Variants in UBN1 observed in about 807,000 individuals in gnomAD.
UBN1 encodes the protein ubinuclein-1.
In UBN1, 17 loss-of-function variants were observed where a neutral mutation model predicts 108.5. That is an observed-to-expected ratio of 0.16 (90% CI 0.11 to 0.24). UBN1 has a LOEUF of 0.24. Among genes scored for constraint, UBN1 ranks in the 10% least tolerant of loss-of-function variants. UBN1 has a pLI of 1.00. For missense variants in UBN1, 1,595 were observed against 1,394.4 expected (o/e 1.14, Z -2.29); for synonymous variants, 726 against 564.2 (o/e 1.29, Z -4.07).
chr16:4,853,556 T>C (rs965717934), intron 2 of UBN1, among the ~76,000 whole-genome samples: 16 of 147,686 alleles, frequency 1.1e-4, no homozygotes, highest in Non-Finnish European at 2.1e-4. Context: ...TTTTTTTTTT[T>C]CTTTCTTTTT....
At chr16:4,859,800 C>T (rs2086976519) in intron 5 of UBN1, 65 bp from the exon 6 acceptor site, 1 of 1,605,124 alleles carries the variant, frequency 6.2e-7, no homozygotes, top group Non-Finnish European at 8.5e-7. Flanking sequence ...AAGGCCAGTG[C>T]CGTGTAGTGC....
chr16:4,852,579 A>G (rs1019246509), intron 1 of UBN1: 2 of 166,388 alleles, frequency 1.2e-5, no homozygotes, highest in African/African-American at 2.4e-5. Flanking sequence ...AATAATTAAT[A>G]TTTTAGTAGT....
rs768470914 is a variant in UBN1 at position 4,880,689 on chromosome 16, T to A, written c.*557T>A. 1 of 152,882 alleles carries A rather than the reference T, an allele frequency of 6.5e-6. No individual in the cohort carries two copies. Among genetic ancestry groups the A allele is most frequent in the African/African-American group, 2.4e-5 (1 of 41,458 alleles). The allele number at this position is 152,882 out of a possible 1,614,324, so 9.5% of individuals were successfully genotyped here. On this transcript the variant is annotated 3_prime_UTR_variant, in exon 18 of 18. Transcript: ENST00000262376. Reference sequence around the variant, plus strand: ...AAGAACACCTAGGGTGTGCTCACTGTGGGGGCCAGTTTCTCCTCGGAACAT... The same window carrying A: ...AAGAACACCTAGGGTGTGCTCACTGAGGGGGCCAGTTTCTCCTCGGAACAT...
chr16:4,852,802 C>T, intron 1 of UBN1, 77 bp from the exon 2 acceptor site: 1 of 1,358,040 alleles, frequency 7.4e-7, no homozygotes, highest in Non-Finnish European at 9.9e-7. Context: ...TTCTCTTAAA[C>T]TTAAATCTCT....
At chr16:4,872,783 G>A (rs2087709484) in intron 12 of UBN1, 101 bp from the exon 13 acceptor site, 1 of 1,378,446 alleles carries the variant, frequency 7.3e-7, no homozygotes, top group Non-Finnish European at 1.0e-6. Context: ...GACATTTAAT[G>A]AGGGATAGCT....
intron 2 of UBN1, among the ~76,000 whole-genome samples, chr16:4,856,135 A>T (rs553176110): frequency 6.6e-6 from 1 of 152,304 alleles, no homozygotes; most frequent in Admixed American, 6.5e-5. Flanking sequence ...CAGGAGCAGG[A>T]GTTGGTTAAT....
At chr16:4,862,505 C>T (rs1020008899) in intron 7 of UBN1, among the ~76,000 whole-genome samples, 2 of 152,164 alleles carry the variant, frequency 1.3e-5, no homozygotes, top group Admixed American at 1.3e-4. Context: ...AGCCTGCTGT[C>T]CTATATTTGC....
At chr16:4,865,822 C>T (rs1173097446) in intron 7 of UBN1, among the ~76,000 whole-genome samples, 1 of 151,886 alleles carries the variant, frequency 6.6e-6, no homozygotes, top group African/African-American at 2.4e-5. Flanking sequence ...ATTAGCCGAA[C>T]ATGGGGGTGG....
intron 15 of UBN1, 150 bp downstream of exon 15, chr16:4,875,584 C>G (rs1209386611): frequency 8.2e-7 from 1 of 1,223,934 alleles, no homozygotes; most frequent in Admixed American, 2.4e-5. Flanking sequence ...GACTGGGCTC[C>G]CTGTTCTCAG....
chr16:4,873,275 C>T (rs1182851279), intron 14 of UBN1, among the ~76,000 whole-genome samples: 6 of 152,230 alleles, frequency 3.9e-5, no homozygotes, highest in Non-Finnish European at 8.8e-5. Flanking sequence ...AAACAGTACC[C>T]AGCTGGCCCA....
chr16:4,871,576 CTTTTTTTTT>C (rs35865064), intron 12 of UBN1, among the ~76,000 whole-genome samples: 2,646 of 88,340 alleles, frequency 0.03, 40 homozygotes, highest in African/African-American at 0.081. Context: ...ATGCACTTTC[CTTTTTTTTT>C]TTTTTTTTTT....
At chr16:4,854,189 A>T (rs1410521238) in intron 2 of UBN1, among the ~76,000 whole-genome samples, 1 of 151,702 alleles carries the variant, frequency 6.6e-6, no homozygotes, top group Non-Finnish European at 1.5e-5. Flanking sequence ...GTCCGCCACC[A>T]CGCCCGGCAA....
At chr16:4,850,467 TC>T (rs2086505030) in intron 1 of UBN1, among the ~76,000 whole-genome samples, 1 of 152,212 alleles carries the variant, frequency 6.6e-6, no homozygotes, top group Non-Finnish European at 1.5e-5. Flanking sequence ...GTGAGACTGT[TC>T]CGGTTCTATC....
chr16:4,860,102 C>G, intron 6 of UBN1, 134 bp downstream of exon 6: 1 of 1,056,944 alleles, frequency 9.5e-7, no homozygotes, highest in Non-Finnish European at 1.4e-6. Flanking sequence ...CCGCACGCCT[C>G]CCGCAGTGCC....
intron 5 of UBN1, among the ~76,000 whole-genome samples, chr16:4,859,503 C>G (rs548676093): frequency 1.8e-4 from 28 of 152,300 alleles, no homozygotes; most frequent in African/African-American, 6.7e-4. Context: ...TAGAGGACTT[C>G]AGTTTCAGGG....
rs1717090228 is a variant in UBN1 at position 4,877,495 on chromosome 16, GTGCCACGCGCACCGTGTGCC to G, written c.3355+23_3355+42del. On this transcript the variant is annotated intron_variant, in intron 17 of 17. Coordinates refer to ENST00000262376, the MANE Select transcript of UBN1 (RefSeq NM_001079514.3). The surrounding 1 kb of genome is among the most constrained non-coding windows in gnomAD (Gnocchi z 4.3). ...GCCAGGTAATCACCCGACGGTCAGT[GTGCCACGCGCACCGTGTGCC>G]TTTGCCCTCTCCACCCCTAGGTGCT... 1 of 1,602,070 alleles carries G rather than the reference GTGCCACGCGCACCGTGTGCC, an allele frequency of 6.2e-7. No homozygotes were observed. The highest frequency in any genetic ancestry group is 8.5e-7 in the Non-Finnish European group (1 of 1,175,952).
chr16:4,877,754 G>T lies in UBN1; in HGVS notation c.3355+280G>T. 2 of 1,173,446 alleles carry T rather than the reference G, an allele frequency of 1.7e-6. No homozygotes were observed. Among genetic ancestry groups the T allele is most frequent in the Non-Finnish European group, 2.1e-6 (2 of 951,384 alleles). 72.7% of individuals were successfully genotyped at this position (1,173,446 alleles called of 1,614,324 possible). A position where few individuals can be genotyped will look rare whatever the true frequency, so the allele number is the denominator to read the frequency against. On this transcript the variant is annotated intron_variant, in intron 17 of 17. Transcript: ENST00000262376. The surrounding 1 kb of genome is among the most constrained non-coding windows in gnomAD (Gnocchi z 4.3). ...GCAGGGTGGTGCGCTTTTGTGTGCG[G>T]TGGAGGAGTTCCTAACCCTCGGCTT...
At chr16:4,850,642 C>T (rs934955696) in intron 1 of UBN1, among the ~76,000 whole-genome samples, 2 of 152,164 alleles carry the variant, frequency 1.3e-5, no homozygotes, top group Non-Finnish European at 1.5e-5. Flanking sequence ...CACTGCTAAT[C>T]GTTTTGCCGC....
At position 4,877,793 on chromosome 16, in the gene UBN1, C is replaced by G; in HGVS notation, c.3355+319C>G. 1 of 1,003,456 alleles carries G rather than the reference C, an allele frequency of 1.0e-6. No individual in the cohort carries two copies. The highest frequency in any genetic ancestry group is 1.2e-6 in the Non-Finnish European group (1 of 844,876). The allele number at this position is 1,003,456 out of a possible 1,614,324, so 62.2% of individuals were successfully genotyped here. A position where few individuals can be genotyped will look rare whatever the true frequency, so the allele number is the denominator to read the frequency against. On this transcript the variant is annotated intron_variant, in intron 17 of 17. Coordinates refer to ENST00000262376, the MANE Select transcript of UBN1 (RefSeq NM_001079514.3). The surrounding 1 kb of genome is among the most constrained non-coding windows in gnomAD (Gnocchi z 4.3). ...AACCCTCGGCTTGTTTTTTTCTCTT[C>G]AGTTTAAAAAAAAAAAAAAAGGGAA...
Sources: allele counts gnomAD v4.1 joint callset (sites outside exome capture counted in the v4.1 genomes callset), GRCh38; gene constraint gnomAD v4.1.1; non-coding constraint Gnocchi (gnomAD v3.1); transcripts MANE v1.5; gene names NCBI Gene and HGNC (gene_info 2026-07-23, HGNC 2026-07-21).